Variants in MYCBP2 observed in about 807,000 individuals in gnomAD.
MYCBP2 encodes E3 ubiquitin-protein ligase MYCBP2.
MYCBP2 carries 120 observed loss-of-function variants against 525.3 expected under a neutral mutation model. The observed-to-expected ratio is 0.23, with a 90% CI of 0.20 to 0.27. The LOEUF is 0.27. Ranked by LOEUF, MYCBP2 falls within the 10% of genes least tolerant of loss-of-function variation. MYCBP2 has a pLI of 1.00. For synonymous variants in MYCBP2, 1,894 were observed against 1,955.8 expected (o/e 0.97, Z 0.83); for missense variants, 4,149 against 5,657.1 (o/e 0.73, Z 8.55).
chr13:77,261,278 A>G lies in MYCBP2; in HGVS notation c.1745T>C (p.Ile582Thr). 6.2e-7 allele frequency: 1 copy of G among 1,613,660 alleles called. No homozygotes were observed. The highest frequency in any genetic ancestry group is 8.5e-7 in the Non-Finnish European group (1 of 1,179,760). The change falls in exon 12 of 83, where the codon ATA (isoleucine) becomes ACA (threonine). Residue 582 changes from isoleucine (I) to threonine (T), a missense_variant. This residue lies in a region of MYCBP2 where 262 missense variants were observed against 419.3 expected (regional missense o/e 0.62). Transcript: ENST00000544440. ...VELPITKSPKIVHFSVGHDGS... is the reference protein window; with the variant it reads ...VELPITKSPKTVHFSVGHDGS... ...ATCGTGTCCAACTGAGAAGTGTACT[A>G]TCTTTGGAGATTTTGTAATTGGTAG...
chr13:77,060,017 T>TAA (rs1236160726), intron 76 of MYCBP2, among the ~76,000 whole-genome samples: 2 of 152,064 alleles, frequency 1.3e-5, no homozygotes, highest in African/African-American at 4.8e-5. Flanking sequence ...TAACTATATA[T>TAA]AACAAAATTA....
intron 4 of MYCBP2, among the ~76,000 whole-genome samples, chr13:77,274,004 G>A (rs1453531791): frequency 6.6e-6 from 1 of 152,138 alleles, no homozygotes; most frequent in African/African-American, 2.4e-5. Context: ...TTACCTTTTA[G>A]ATTAGGAGGC....
At chr13:77,113,530 G>A (rs530092498) in intron 55 of MYCBP2, among the ~76,000 whole-genome samples, 1 of 152,126 alleles carries the variant, frequency 6.6e-6, no homozygotes, top group South Asian at 2.1e-4. Context: ...GGTAATGAAG[G>A]GTGAAATAAA....
At chr13:77,203,689 A>T (rs1432703752) in intron 26 of MYCBP2, among the ~76,000 whole-genome samples, 1 of 152,252 alleles carries the variant, frequency 6.6e-6, no homozygotes, top group Non-Finnish European at 1.5e-5. Flanking sequence ...TATTGGTACC[A>T]AAACAGAGAT....
At chr13:77,257,502 T>C (rs1296175221) in intron 14 of MYCBP2, among the ~76,000 whole-genome samples, 169 bp downstream of exon 14, 3 of 151,920 alleles carry the variant, frequency 2.0e-5, no homozygotes, top group African/African-American at 7.3e-5. Flanking sequence ...ATGTACCCCA[T>C]ACATATACCT....
At chr13:77,132,780 A>G (rs973461754) in intron 52 of MYCBP2, among the ~76,000 whole-genome samples, 4 of 152,150 alleles carry the variant, frequency 2.6e-5, no homozygotes, top group African/African-American at 9.6e-5. Flanking sequence ...CCAAAAAATT[A>G]AGCTTGTGAT....
chr13:77,207,652 A>G (rs2063506431), intron 23 of MYCBP2, among the ~76,000 whole-genome samples: 1 of 152,216 alleles, frequency 6.6e-6, no homozygotes, highest in African/African-American at 2.4e-5. Flanking sequence ...AAAGCACTTA[A>G]AATAGCATTT....
At chr13:77,311,726 A>T (rs1429899480) in intron 1 of MYCBP2, among the ~76,000 whole-genome samples, 3 of 151,244 alleles carry the variant, frequency 2.0e-5, no homozygotes, top group Non-Finnish European at 3.0e-5. Flanking sequence ...ACCTCATCTG[A>T]AAAACAGAGA....
At chr13:77,130,895 T>C (rs962070434) in intron 52 of MYCBP2, among the ~76,000 whole-genome samples, 1 of 152,188 alleles carries the variant, frequency 6.6e-6, no homozygotes, top group Admixed American at 6.5e-5. Context: ...AGCAATGTGA[T>C]GACTGGTTGA....
In MYCBP2 at chr13:77,243,872, G is replaced by C; in HGVS notation, c.2461C>G (p.Gln821Glu). Residue 821 changes from glutamine (Q) to glutamate (E), a missense_variant, in exon 16 of 83, where the codon CAA becomes GAA. By Grantham distance (29) the Gln-to-Glu change is conservative. This residue lies in a region of MYCBP2 where 620 missense variants were observed against 795.5 expected (regional missense o/e 0.78). Coordinates refer to ENST00000544440, the MANE Select transcript of MYCBP2 (RefSeq NM_015057.5). ...CKACARELDG[Q>E]EARQRGILDA... The stretch of plus-strand genomic sequence containing the variant: ...AGAATTCCTCTTTGTCTTGCCTCTT[G>C]ACCATCTAACTCTCTTGCACAGGCC... 1 of 1,610,262 alleles carries C rather than the reference G, an allele frequency of 6.2e-7. No homozygotes were observed. The highest frequency in any genetic ancestry group is 8.5e-7 in the Non-Finnish European group (1 of 1,179,352).
At chr13:77,089,072 G>A in intron 60 of MYCBP2, 41 bp from the exon 61 acceptor site, 1 of 1,404,598 alleles carries the variant, frequency 7.1e-7, no homozygotes, top group East Asian at 2.5e-5. Flanking sequence ...CATAGGCAGT[G>A]CATATATATT....
At chr13:77,076,648 CTG>C (rs1183216407) in intron 68 of MYCBP2, 101 bp downstream of exon 68, 18 of 649,664 alleles carry the variant, frequency 2.8e-5, no homozygotes, top group African/African-American at 2.0e-4. Flanking sequence ...CTGCATAAAA[CTG>C]TTATTACATA....
chr13:77,187,811 C>A (rs956355606), intron 30 of MYCBP2, among the ~76,000 whole-genome samples: 1 of 151,866 alleles, frequency 6.6e-6, no homozygotes, highest in African/African-American at 2.4e-5. Context: ...CTTTGGGAGG[C>A]CGAGGCGGGT....
intron 3 of MYCBP2, among the ~76,000 whole-genome samples, chr13:77,284,127 T>G (rs1274952216): frequency 6.6e-6 from 1 of 151,886 alleles, no homozygotes; most frequent in Non-Finnish European, 1.5e-5. Context: ...ACAGTCAAAC[T>G]CAATTTATTA....
intron 26 of MYCBP2, among the ~76,000 whole-genome samples, chr13:77,197,284 G>C (rs1201976346): frequency 6.6e-6 from 1 of 152,152 alleles, no homozygotes; most frequent in African/African-American, 2.4e-5. Flanking sequence ...CTATCTAGGT[G>C]GCTAGTCCAA....
chr13:77,061,252 C>G lies in MYCBP2; in HGVS notation c.12953G>C (p.Cys4318Ser). 6.2e-7 allele frequency: 1 copy of G among 1,612,404 alleles called. No homozygotes were observed. Among genetic ancestry groups the G allele is most frequent in the Non-Finnish European group, 8.5e-7 (1 of 1,179,182 alleles). Residue 4318 changes from cysteine to serine, a missense_variant, in exon 76 of 83, where the codon TGT becomes TCT. Transcript: ENST00000544440. The stretch of plus-strand genomic sequence containing the variant: ...CAACCAGAACAATTTGGTTCTACCA[C>G]AACCTTCATGAAGGTCAACCTTTAT... ...EAIKVDLHEGCGRTKLFWLMA... is the reference protein window; with the variant it reads ...EAIKVDLHEGSGRTKLFWLMA...
intron 3 of MYCBP2, among the ~76,000 whole-genome samples, chr13:77,281,456 G>C (rs957667987): frequency 2.0e-5 from 3 of 151,938 alleles, no homozygotes; most frequent in African/African-American, 7.2e-5. Context: ...AAGAACACAA[G>C]AAGCTTCAAT....
Position 77,051,033 on chromosome 13 carries a change from T to C in MYCBP2, c.13885A>G (p.Ser4629Gly), listed in dbSNP as rs1312880338. ...ACHDDFQRMT[S>G]IPKEELPHCP... ...TGTGGTAGTTCTTCCTTAGGAATGC[T>C]AGTCATTCTTTGAAAATCATCATGA... is the stretch of plus-strand genomic sequence containing the variant. The change falls in exon 82 of 83, where the codon AGC (serine) becomes GGC (glycine). Residue 4629 changes from serine to glycine, a missense_variant. Ser to Gly is a moderately conservative substitution (Grantham distance 56). Around this residue, in one of 21 missense-constraint regions of MYCBP2, gnomAD observed 45 missense variants for 130.1 expected, o/e 0.35. Transcript: ENST00000544440. 6.2e-7 allele frequency: 1 copy of C among 1,613,268 alleles called. No individual in the cohort carries two copies. The highest frequency in any genetic ancestry group is 1.7e-4 in the Middle Eastern group (1 of 5,846).
intron 46 of MYCBP2, among the ~76,000 whole-genome samples, chr13:77,151,614 C>T (rs2056464534): frequency 6.6e-6 from 1 of 151,942 alleles, no homozygotes; most frequent in African/African-American, 2.4e-5. Flanking sequence ...AGTATAGATG[C>T]AAAAAACAGA....
Sources: allele counts gnomAD v4.1 joint callset (sites outside exome capture counted in the v4.1 genomes callset), GRCh38; gene constraint gnomAD v4.1.1; regional missense constraint gnomAD v4.1.1; transcripts MANE v1.5; gene names NCBI Gene and HGNC (gene_info 2026-07-23, HGNC 2026-07-21).